Variants in ANKHD1 observed in about 807,000 individuals in gnomAD.
The protein encoded by ANKHD1 is ankyrin repeat and KH domain-containing protein 1.
Under a neutral mutation model 230.5 loss-of-function variants are expected in ANKHD1, and 31 were observed. The observed-to-expected ratio is 0.13, with a 90% confidence interval of 0.10 to 0.18. The LOEUF is 0.18. Ranked by LOEUF, ANKHD1 falls within the 10% of genes least tolerant of loss-of-function variation. The probability of loss-of-function intolerance (pLI) is 1.00; values close to 1 mark genes in which losing one functional copy is unlikely to be tolerated. For missense variants in ANKHD1, 2,256 were observed against 3,071.3 expected (o/e 0.73, Z 6.27); for synonymous variants, 1,074 against 1,117.6 (o/e 0.96, Z 0.78).
chr5:140,510,301 T>C lies in ANKHD1; in HGVS notation c.4104+120T>C. On this transcript the variant is annotated intron_variant, in intron 22 of 33. Coordinates refer to ENST00000360839, the MANE Select transcript of ANKHD1 (RefSeq NM_017747.3). ...TTTCCATAGAAAAATCACTGCTATC[T>C]TTCCATTCTTTTTTTTTTTTTTTTT... 6 of 1,202,648 alleles carry C rather than the reference T, an allele frequency of 5.0e-6. No homozygotes were observed. In the South Asian group the frequency reaches 1.3e-4, roughly 27 times the overall value. 74.5% of individuals were successfully genotyped at this position (1,202,648 alleles called of 1,614,324 possible). A position where few individuals can be genotyped will look rare whatever the true frequency, so the allele number is the denominator to read the frequency against.
At chr5:140,513,131 C>T (rs1404036904) in intron 23 of ANKHD1, among the ~76,000 whole-genome samples, 1 of 152,170 alleles carries the variant, frequency 6.6e-6, no homozygotes. Flanking sequence ...GTCACAGTGA[C>T]TACACTAAGG....
At position 140,507,100 on chromosome 5, in the gene ANKHD1, C is replaced by G; in HGVS notation, c.3551+123C>G. 7.4e-7 allele frequency: 1 copy of G among 1,353,020 alleles called. No homozygotes were observed. Among genetic ancestry groups the G allele is most frequent in the South Asian group, 1.5e-5 (1 of 68,582 alleles). 83.8% of individuals were successfully genotyped at this position (1,353,020 alleles called of 1,614,324 possible). ...GATAGTACTAAAGTTGCAAAGCCAA[C>G]GATTATACCTATAATGTGTTTGTTT... On this transcript the variant is annotated intron_variant, in intron 19 of 33. Transcript: ENST00000360839. This position sits in a 1 kb window ranked among gnomAD's most constrained non-coding sequence, Gnocchi z 4.1.
In ANKHD1 at chr5:140,485,252, G is replaced by C. The variant is rs747732198; in HGVS notation, c.1998+4G>C. The C allele has an allele frequency of 1.9e-6, 3 of 1,608,282 alleles. No individual in the cohort carries two copies. In the African/African-American group the frequency reaches 4.0e-5, roughly 22 times the overall value. On this transcript the variant is annotated splice_donor_region_variant and intron_variant, in intron 12 of 33. Transcript: ENST00000360839. The surrounding 1 kb of genome is among the most constrained non-coding windows in gnomAD (Gnocchi z 4.8). ...TGACCCTACTCATCGACTCAAGGTA[G>C]TCTACTTAAAAATAAGTAAACAGGC...
rs1276038536 is a variant in ANKHD1 at position 140,528,383 on chromosome 5, A to G, written c.5437A>G (p.Thr1813Ala). 2.5e-6 allele frequency: 4 copies of G among 1,613,856 alleles called. No individual in the cohort carries two copies. Among genetic ancestry groups the G allele is most frequent in the Non-Finnish European group, 3.4e-6 (4 of 1,179,990 alleles). ...AAATGCATTTCCTTTGGGTGCTCCA[A>G]CTCTTGTAACTTCACAGGCAACAAC... The part of the protein sequence containing the change: ...SKNAFPLGAP[T>A]LVTSQATTLS... Residue 1813 changes from threonine (T) to alanine (A), a missense_variant, in exon 29 of 34, where the codon ACT (threonine) becomes GCT (alanine). Thr to Ala is a moderately conservative substitution (Grantham distance 58). Coordinates refer to ENST00000360839, the MANE Select transcript of ANKHD1 (RefSeq NM_017747.3).
chr5:140,424,252 A>G lies in ANKHD1; in HGVS notation c.307-11852A>G, dbSNP rs766566794. Among the ~76,000 whole-genome samples, 19 of 152,138 alleles carry G rather than the reference A, an allele frequency of 1.2e-4. 1 individual carries two copies. The highest frequency in any genetic ancestry group is 2.4e-4 in the Non-Finnish European group (16 of 68,040). ...GAGAGAGAGAGAGAGACAGAGACAG[A>G]GATAGAGATGTATCACACACACATC... On this transcript the variant is annotated intron_variant, in intron 1 of 33. Transcript: ENST00000360839.
In ANKHD1 at chr5:140,527,998, A is replaced by G. The variant is rs748159111; in HGVS notation, c.5213A>G (p.Asn1738Ser). The change falls in exon 28 of 34, where the codon AAT becomes AGT. Residue 1738 changes from asparagine (N) to serine (S), a missense_variant. Asn to Ser is a conservative substitution (Grantham distance 46). This residue lies in a region of ANKHD1 where 23 missense variants were observed against 59.9 expected (regional missense o/e 0.38). Coordinates refer to ENST00000360839, the MANE Select transcript of ANKHD1 (RefSeq NM_017747.3). The surrounding 1 kb of genome is among the most constrained non-coding windows in gnomAD (Gnocchi z 4.5). The part of the protein sequence containing the change: ...HIDVDKQKDK[N>S]GERMITIRGG... ...GATGTGGATAAACAAAAAGATAAGA[A>G]TGGCGAGAGAATGATCACAATAAGG... 6.2e-7 allele frequency: 1 copy of G among 1,613,892 alleles called. No individual in the cohort carries two copies. Among genetic ancestry groups the G allele is most frequent in the Non-Finnish European group, 8.5e-7 (1 of 1,179,838 alleles).
chr5:140,458,530 C>A, intron 7 of ANKHD1, 95 bp from the exon 8 acceptor site: 1 of 1,313,350 alleles, frequency 7.6e-7, no homozygotes, highest in Non-Finnish European at 1.0e-6. Context: ...CTTTTTTCTT[C>A]CTTTTTCCAA....
chr5:140,491,887 T>A (rs1478966965), intron 14 of ANKHD1, among the ~76,000 whole-genome samples: 1 of 152,228 alleles, frequency 6.6e-6, no homozygotes, highest in Non-Finnish European at 1.5e-5. Context: ...AGGCTAAGAA[T>A]ATAGATTATT....
At chr5:140,415,087 C>T (rs1397776649) in intron 1 of ANKHD1, among the ~76,000 whole-genome samples, 2 of 151,878 alleles carry the variant, frequency 1.3e-5, no homozygotes, top group Admixed American at 6.6e-5. Flanking sequence ...TTGCCATCTC[C>T]AGTGTCATGA....
At chr5:140,424,823 A>G (rs1037758487) in intron 1 of ANKHD1, among the ~76,000 whole-genome samples, 2 of 152,208 alleles carry the variant, frequency 1.3e-5, no homozygotes, top group Non-Finnish European at 2.9e-5. Context: ...TGTTTAGAAG[A>G]TTCACTTCAT....
intron 11 of ANKHD1, among the ~76,000 whole-genome samples, chr5:140,484,600 C>A (rs1019157894): frequency 6.6e-6 from 1 of 152,118 alleles, no homozygotes; most frequent in African/African-American, 2.4e-5. Context: ...TCAAAAATGT[C>A]TTTGAAACAT....
In ANKHD1 at chr5:140,496,886, A is replaced by G; in HGVS notation, c.2612A>G (p.Gln871Arg). ...CAGAAAGACACAGTGTCTCTACACC[A>G]ACAGTGCTCTCATAGAGGAGTCTTC... ...KGQKDTVSLH[Q>R]QCSHRGVFPE... The change falls in exon 15 of 34, where the codon CAA (glutamine) becomes CGA (arginine). Residue 871 changes from glutamine (Q) to arginine (R), a missense_variant. Transcript: ENST00000360839. 3 of 1,614,250 alleles carry G rather than the reference A, an allele frequency of 1.9e-6. No homozygotes were observed. Among genetic ancestry groups the G allele is most frequent in the Non-Finnish European group, 2.5e-6 (3 of 1,180,050 alleles).
Position 140,538,217 on chromosome 5 carries a change from A to G in ANKHD1, c.7360A>G (p.Ile2454Val), listed in dbSNP as rs201718618. 1.2e-6 allele frequency: 2 copies of G among 1,614,058 alleles called. No homozygotes were observed. Among genetic ancestry groups the G allele is most frequent in the East Asian group, 2.2e-5 (1 of 44,872 alleles). The change falls in exon 32 of 34, where the codon ATT (isoleucine) becomes GTT (valine). Residue 2454 changes from isoleucine to valine, a missense_variant. By Grantham distance (29) the Ile-to-Val change is conservative. Around this residue, in one of 13 missense-constraint regions of ANKHD1, gnomAD observed 778 missense variants for 966.5 expected, o/e 0.80. Coordinates refer to ENST00000360839, the MANE Select transcript of ANKHD1 (RefSeq NM_017747.3). The part of the protein sequence containing the change: ...DDSGMVAPSN[I>V]FHQPMASGFV... Reference sequence around the variant, plus strand: ...TTCTGGAATGGTAGCCCCCTCTAACATTTTTCATCAGCCTATGGCAAGTGG... The same window carrying G: ...TTCTGGAATGGTAGCCCCCTCTAACGTTTTTCATCAGCCTATGGCAAGTGG...
chr5:140,513,024 GTCACCTGA>G (rs1752834727), intron 23 of ANKHD1, 101 bp downstream of exon 23: 1 of 1,160,210 alleles, frequency 8.6e-7, no homozygotes, highest in African/African-American at 1.6e-5. Flanking sequence ...TGAAAGGTTG[GTCACCTGA>G]TCTCTTTATG....
intron 14 of ANKHD1, among the ~76,000 whole-genome samples, chr5:140,490,207 A>G (rs372976396): frequency 6.6e-6 from 1 of 152,174 alleles, no homozygotes; most frequent in African/African-American, 2.4e-5. Context: ...CTTATTCCCT[A>G]GGACTCTCTT....
intron 1 of ANKHD1, among the ~76,000 whole-genome samples, chr5:140,428,233 T>G (rs1213384861): frequency 6.6e-6 from 1 of 150,568 alleles, no homozygotes; most frequent in Non-Finnish European, 1.5e-5. Flanking sequence ...CCAGACGGGG[T>G]GGCGGCCGGG....
chr5:140,428,679 G>A (rs1162951974), intron 1 of ANKHD1, among the ~76,000 whole-genome samples: 2 of 152,194 alleles, frequency 1.3e-5, no homozygotes, highest in Non-Finnish European at 2.9e-5. Flanking sequence ...GGGCGAGGGC[G>A]AGGTCCTTGA....
chr5:140,467,106 TATGTGTTC>T (rs1776149888), intron 10 of ANKHD1, among the ~76,000 whole-genome samples: 1 of 152,182 alleles, frequency 6.6e-6, no homozygotes, highest in Non-Finnish European at 1.5e-5. Flanking sequence ...ATTTTTTCAC[TATGTGTTC>T]TTGTGTTCTA....
chr5:140,440,152 T>C lies in ANKHD1; in HGVS notation c.651T>C (p.Asp217=). The C allele has an allele frequency of 6.2e-7, 1 of 1,612,906 alleles. No homozygotes were observed. The highest frequency in any genetic ancestry group is 8.5e-7 in the Non-Finnish European group (1 of 1,179,386). ...RSLAEACSDG[D]VNAVRKLLDE... ...TAGCAGAAGCTTGTTCAGATGGGGATGTTAATGCTGTTCGTAAATTGCTAG... is the reference window on the plus strand; with the variant it reads ...TAGCAGAAGCTTGTTCAGATGGGGACGTTAATGCTGTTCGTAAATTGCTAG... The change falls in exon 4 of 34, where the codon GAT becomes GAC. Residue 217 remains aspartate (D), a synonymous_variant. Coordinates refer to ENST00000360839, the MANE Select transcript of ANKHD1 (RefSeq NM_017747.3).
Sources: allele counts gnomAD v4.1 joint callset (sites outside exome capture counted in the v4.1 genomes callset), GRCh38; gene constraint gnomAD v4.1.1; regional missense constraint gnomAD v4.1.1; non-coding constraint Gnocchi (gnomAD v3.1); transcripts MANE v1.5; gene names NCBI Gene and HGNC (gene_info 2026-07-23, HGNC 2026-07-21).